The following PRX variants were observed in gnomAD, a reference collection of about 807,000 sequenced individuals.
PRX encodes periaxin.
Under a neutral mutation model 29.6 loss-of-function variants are expected in PRX, and 24 were observed. The ratio of observed to expected loss-of-function variants is 0.81; its 90% CI spans 0.59 to 1.14. The LOEUF is 1.14. Among genes scored for constraint, PRX ranks in the 50% most tolerant of loss-of-function variants. PRX has a pLI of 0.00. For missense variants in PRX, 1,838 were observed against 1,926.4 expected (o/e 0.95, Z 0.86); for synonymous variants, 772 against 831.7 (o/e 0.93, Z 1.24).
Position 40,397,262 on chromosome 19 carries a change from G to A in PRX, c.1090C>T (p.Arg364Ter), listed in dbSNP as rs144183238. 1.9e-5 allele frequency: 30 copies of A among 1,613,616 alleles called. No homozygotes were observed. Among genetic ancestry groups the A allele is most frequent in the South Asian group, 1.1e-5 (1 of 91,094 alleles). Residue 364 changes from arginine (R) to a stop codon, truncating the protein, a stop_gained, in exon 7 of 7, where the codon CGA becomes TGA. Transcript: ENST00000324001. LOFTEE classifies it low-confidence loss of function (END_TRUNC). ...ALKMPRLSFP[R>*]FGARAKEVAE... ...ACTTCCTTTGCTCGAGCCCCAAATC[G>A]GGGAAAACTAAGGCGGGGCATCTTC...
chr19:40,407,854 T>C, intron 4 of PRX, 52 bp downstream of exon 4: 2 of 1,610,408 alleles, frequency 1.2e-6, no homozygotes, highest in Non-Finnish European at 1.7e-6. Flanking sequence ...TGCCCTAGTC[T>C]GTGCCTCCCC....
rs71171569 is a variant in PRX at position 40,400,592 on chromosome 19, C to CAAAAAAAAAAAAAAAAAAAAAAAAAAA, written c.185-1777_185-1776insTTTTTTTTTTTTTTTTTTTTTTTTTTT. Among the ~76,000 whole-genome samples, 5 of 44,832 alleles carry CAAAAAAAAAAAAAAAAAAAAAAAAAAA rather than the reference C, an allele frequency of 1.1e-4. 1 individual carries two copies. The highest frequency in any genetic ancestry group is 2.0e-4 in the African/African-American group (2 of 10,146). The allele number at this position is 44,832 out of a possible 152,430, so 29.4% of individuals were successfully genotyped here. On this transcript the variant is annotated intron_variant, in intron 5 of 6. Transcript: ENST00000324001. ...GGGCAACAAGAGCGAAATTCCATCT[C>CAAAAAAAAAAAAAAAAAAAAAAAAAAA]AAAAAAAAAAAAAAAAAAAAAAAAA...
rs2079401227 is a variant in PRX, at chr19:40,393,775, A to G, written c.*191T>C. Reference sequence around the variant, plus strand: ...AGGAGACAAATACATGGCTACTTCCAGATTATTTTATTCACATGGCTTGGT... The same window carrying G: ...AGGAGACAAATACATGGCTACTTCCGGATTATTTTATTCACATGGCTTGGT... On this transcript the variant is annotated 3_prime_UTR_variant, in exon 7 of 7. Coordinates refer to ENST00000324001, the MANE Select transcript of PRX (RefSeq NM_181882.3). The G allele has an allele frequency of 4.9e-6, 4 of 813,112 alleles. No homozygotes were observed. Among genetic ancestry groups the G allele is most frequent in the Non-Finnish European group, 7.7e-6 (4 of 521,156 alleles). 50.4% of individuals were successfully genotyped at this position (813,112 alleles called of 1,614,324 possible).
In PRX at chr19:40,398,127, A is replaced by G. The variant is rs371803029; in HGVS notation, c.382-157T>C. The G allele has an allele frequency of 2.1e-6, 3 of 1,438,248 alleles. No homozygotes were observed. Among genetic ancestry groups the G allele is most frequent in the Non-Finnish European group, 1.8e-6 (2 of 1,099,836 alleles). The allele number at this position is 1,438,248 out of a possible 1,614,324, so 89.1% of individuals were successfully genotyped here. ...CCCACTTCTTGCCTGTCATTTCACC[A>G]TGAGTGCCCAGGAAAGCAGGCAGCC... On this transcript the variant is annotated intron_variant, in intron 6 of 6. Transcript: ENST00000324001. The surrounding 1 kb of genome is among the most constrained non-coding windows in gnomAD (Gnocchi z 6.3).
At chr19:40,413,614 C>G (rs1348964412), upstream of PRX, among the ~76,000 whole-genome samples, 9 of 152,176 alleles carry the variant, frequency 5.9e-5, no homozygotes, top group African/African-American at 2.2e-4. Flanking sequence ...CAAGGATTTG[C>G]ACGTTGGCTT....
At chr19:40,405,221 G>T (rs1353222538) in intron 4 of PRX, among the ~76,000 whole-genome samples, 1 of 152,170 alleles carries the variant, frequency 6.6e-6, no homozygotes, top group African/African-American at 2.4e-5. Flanking sequence ...GCCACTATGG[G>T]ATTCACAATA....
chr19:40,403,995 C>A, intron 4 of PRX, 133 bp from the exon 5 acceptor site: 2 of 1,061,968 alleles, frequency 1.9e-6, no homozygotes, highest in Non-Finnish European at 2.7e-6. Context: ...GGGGGACGGT[C>A]TCGCCACACT....
chr19:40,405,405 C>T (rs1434100229), intron 4 of PRX, among the ~76,000 whole-genome samples: 2 of 152,044 alleles, frequency 1.3e-5, no homozygotes, highest in Non-Finnish European at 2.9e-5. Flanking sequence ...CTGTCATGGC[C>T]AACGCACTGG....
intron 4 of PRX, among the ~76,000 whole-genome samples, 159 bp from the exon 5 acceptor site, chr19:40,404,021 GAACTCCTCCTGGGCCCA>G (rs1033633733): frequency 2.0e-5 from 3 of 152,200 alleles, no homozygotes; most frequent in Admixed American, 6.5e-5. Context: ...GGCTGGTCTC[GAACTCCTCCTGGGCCCA>G]AGGGATCCTC....
At position 40,396,030 on chromosome 19, in the gene PRX, C is replaced by CG. The variant is rs1181654313; in HGVS notation, c.2321_2322insC (p.Lys775GlufsTer52). ...GCACCTCCGGAGCCCTGGGCAGCTT[C>CG]ACCTCTGGTGCCTTCGGAAGATGCA... On this transcript the variant is annotated frameshift_variant, in exon 7 of 7. Transcript: ENST00000324001. LOFTEE classifies it low-confidence loss of function (END_TRUNC). The CG allele has an allele frequency of 6.2e-7, 1 of 1,614,158 alleles. No homozygotes were observed. The highest frequency in any genetic ancestry group is 2.2e-5 in the East Asian group (1 of 44,894).
In PRX at chr19:40,409,456, A is replaced by ATTCTTATTCTTATTC. The variant is rs561337917; in HGVS notation, c.-242-1074_-242-1073insGAATAAGAATAAGAA. ...AGGTGCTTTATAAATACTTGCTATT[A>ATTCTTATTCTTATTC]TTATTATTATTATTATTATTATTAT... On this transcript the variant is annotated intron_variant, in intron 1 of 6. Coordinates refer to ENST00000324001, the MANE Select transcript of PRX (RefSeq NM_181882.3). 5.9e-3 allele frequency among the ~76,000 whole-genome samples: 865 copies of ATTCTTATTCTTATTC among 146,016 alleles called. 13 individuals are homozygous for ATTCTTATTCTTATTC. Among genetic ancestry groups the ATTCTTATTCTTATTC allele is most frequent in the African/African-American group, 0.02 (798 of 39,810 alleles).
intron 4 of PRX, among the ~76,000 whole-genome samples, chr19:40,406,263 A>G (rs888241556): frequency 6.6e-6 from 1 of 151,490 alleles, no homozygotes; most frequent in Non-Finnish European, 1.5e-5. Context: ...AAAAAAAAAA[A>G]AGAGTCGGAG....
At chr19:40,407,415 A>C (rs530471583) in intron 4 of PRX, 66 of 185,236 alleles carry the variant, frequency 3.6e-4, no homozygotes, top group Admixed American at 1.3e-3. Context: ...TGATCCTCCC[A>C]CCTCAGCCTC....
At chr19:40,407,848 C>G (rs569564495) in intron 4 of PRX, 58 bp downstream of exon 4, 2 of 1,609,296 alleles carry the variant, frequency 1.2e-6, no homozygotes, top group Non-Finnish European at 1.7e-6. Flanking sequence ...CCTTGCTGCC[C>G]TAGTCTGTGC....
chr19:40,393,935 G>A lies in PRX; in HGVS notation c.*31C>T, dbSNP rs776313751. On this transcript the variant is annotated 3_prime_UTR_variant, in exon 7 of 7. Transcript: ENST00000324001. ...ACAGCGAGGGGGTAGAGAAAGGAAGGCAAGAAGGGATCCCCATCTGACTAG... is the reference window on the plus strand; with the variant it reads ...ACAGCGAGGGGGTAGAGAAAGGAAGACAAGAAGGGATCCCCATCTGACTAG... 1 of 1,606,060 alleles carries A rather than the reference G, an allele frequency of 6.2e-7. No individual in the cohort carries two copies. The highest frequency in any genetic ancestry group is 1.1e-5 in the South Asian group (1 of 91,044).
chr19:40,404,013 C>T, intron 4 of PRX, 151 bp from the exon 5 acceptor site: 1 of 952,594 alleles, frequency 1.0e-6, no homozygotes, highest in Non-Finnish European at 1.5e-6. Context: ...ACTGCCCAGG[C>T]TGGTCTCGAA....
At chr19:40,405,790 C>T (rs2079526906) in intron 4 of PRX, among the ~76,000 whole-genome samples, 1 of 151,650 alleles carries the variant, frequency 6.6e-6, no homozygotes, top group African/African-American at 2.4e-5. Flanking sequence ...AGGTGCACGC[C>T]ACCACGCCCA....
In PRX at chr19:40,398,162, C is replaced by T; in HGVS notation, c.382-192G>A. On this transcript the variant is annotated intron_variant, in intron 6 of 6. Coordinates refer to ENST00000324001, the MANE Select transcript of PRX (RefSeq NM_181882.3). This position sits in a 1 kb window ranked among gnomAD's most constrained non-coding sequence, Gnocchi z 6.3. Reference sequence around the variant, plus strand: ...AGGAAAGCAGGCAGCCATCTAGGATCTCCAAATGAGTCAACAGGAGTGTAG... The same window carrying T: ...AGGAAAGCAGGCAGCCATCTAGGATTTCCAAATGAGTCAACAGGAGTGTAG... 7.0e-7 allele frequency: 1 copy of T among 1,431,240 alleles called. No homozygotes were observed. The highest frequency in any genetic ancestry group is 1.5e-5 in the South Asian group (1 of 66,424). The allele number at this position is 1,431,240 out of a possible 1,614,324, so 88.7% of individuals were successfully genotyped here.
At position 40,395,953 on chromosome 19, in the gene PRX, T is replaced by A; in HGVS notation, c.2399A>T (p.Lys800Met). Residue 800 changes from lysine (K) to methionine (M), a missense_variant, in exon 7 of 7, where the codon AAG becomes ATG. By Grantham distance (95) the Lys-to-Met change is moderately conservative (BLOSUM62 -1). Transcript: ENST00000324001. ...EQAEGMEFGFKMPKMTMPKLG... is the reference protein window; with the variant it reads ...EQAEGMEFGFMMPKMTMPKLG... ...CTTGGGCATGGTCATCTTGGGCATC[T>A]TGAAGCCAAATTCCATCCCTTCTGC... 1 of 1,614,196 alleles carries A rather than the reference T, an allele frequency of 6.2e-7. No homozygotes were observed. Among genetic ancestry groups the A allele is most frequent in the South Asian group, 1.1e-5 (1 of 91,088 alleles).
Sources: allele counts gnomAD v4.1 joint callset (sites outside exome capture counted in the v4.1 genomes callset), GRCh38; gene constraint gnomAD v4.1.1; non-coding constraint Gnocchi (gnomAD v3.1); transcripts MANE v1.5; gene names NCBI Gene and HGNC (gene_info 2026-07-23, HGNC 2026-07-21).